The following ANKRD52 variants were observed in gnomAD, a reference collection of about 807,000 sequenced individuals.
The protein encoded by ANKRD52 is serine/threonine-protein phosphatase 6 regulatory ankyrin repeat subunit C.
A neutral mutation model predicts 116.0 loss-of-function variants in ANKRD52; 7 were observed. That is an observed-to-expected ratio of 0.06 (90% CI 0.03 to 0.11). The LOEUF is 0.11. ANKRD52 is among the 10% of genes least tolerant of loss of function. ANKRD52 has a pLI of 1.00. For synonymous variants in ANKRD52, 528 were observed against 578.1 expected (o/e 0.91, Z 1.24); for missense variants, 839 against 1,408.6 (o/e 0.60, Z 6.47).
rs759817277 is a variant in ANKRD52, at chr12:56,252,730, C to T, written c.1301+50G>A. On this transcript the variant is annotated intron_variant, in intron 12 of 27. Transcript: ENST00000267116. The surrounding 1 kb of genome is among the most constrained non-coding windows in gnomAD (Gnocchi z 4.7). Reference sequence around the variant, plus strand: ...GGCAGGCAAGAATGAGGGGCCCAGACCTTTGCCCAGCTCCCTGCTCAAAGC... The same window carrying T: ...GGCAGGCAAGAATGAGGGGCCCAGATCTTTGCCCAGCTCCCTGCTCAAAGC... 1.3e-6 allele frequency: 2 copies of T among 1,589,668 alleles called. No homozygotes were observed. Among genetic ancestry groups the T allele is most frequent in the African/African-American group, 2.7e-5 (2 of 74,356 alleles).
Position 56,248,670 on chromosome 12 carries a change from C to T in ANKRD52, c.1704+89G>A. 2.0e-6 allele frequency: 3 copies of T among 1,486,082 alleles called. No individual in the cohort carries two copies. The South Asian group carries it at 3.6e-5, about 18-fold the overall frequency. The allele number at this position is 1,486,082 out of a possible 1,614,324, so 92.1% of individuals were successfully genotyped here. On this transcript the variant is annotated intron_variant, in intron 16 of 27. Coordinates refer to ENST00000267116, the MANE Select transcript of ANKRD52 (RefSeq NM_173595.4). The surrounding 1 kb of genome is among the most constrained non-coding windows in gnomAD (Gnocchi z 5.1). ...CCACTAAGCCTCTGGATCCAAAGAC[C>T]ACATTTGATTGAACCCTTAGTTTTG... is the stretch of plus-strand genomic sequence containing the variant.
In ANKRD52 at chr12:56,248,040, G is replaced by A; in HGVS notation, c.1961C>T (p.Thr654Ile). ...GCACTAACCAGCAGCGTGCAGGGGT[G>A]TCCACTTGCGCTTGCGCTCCTTGAT... Reference protein sequence around the residue: ...ALIKERKRKWTPLHAAAASGH... With the variant: ...ALIKERKRKWIPLHAAAASGH... The change falls in exon 18 of 28, where the codon ACA becomes ATA. Residue 654 changes from threonine (T) to isoleucine (I), a missense_variant. Thr to Ile is a moderately conservative substitution (Grantham distance 89, BLOSUM62 -1). This residue lies in a region of ANKRD52 where 552 missense variants were observed against 810.6 expected (regional missense o/e 0.68). Coordinates refer to ENST00000267116, the MANE Select transcript of ANKRD52 (RefSeq NM_173595.4). This position sits in a 1 kb window ranked among gnomAD's most constrained non-coding sequence, Gnocchi z 5.1. 1 of 1,605,468 alleles carries A rather than the reference G, an allele frequency of 6.2e-7. No individual in the cohort carries two copies.
At chr12:56,246,361 C>G (rs762672211) in intron 20 of ANKRD52, among the ~76,000 whole-genome samples, 27 of 152,108 alleles carry the variant, frequency 1.8e-4, no homozygotes, top group Non-Finnish European at 3.7e-4. Flanking sequence ...TATTAGGGAC[C>G]CACATCTCCC....
In ANKRD52 at chr12:56,253,925, C is replaced by T. The variant is rs1871819567; in HGVS notation, c.907-125G>A. 7.5e-7 allele frequency: 1 copy of T among 1,334,258 alleles called. No homozygotes were observed. Among genetic ancestry groups the T allele is most frequent in the Non-Finnish European group, 1.0e-6 (1 of 954,274 alleles). The allele number at this position is 1,334,258 out of a possible 1,614,324, so 82.7% of individuals were successfully genotyped here. A position where few individuals can be genotyped will look rare whatever the true frequency, so the allele number is the denominator to read the frequency against. ...AGGGTCATATGGCACCTTCTTAGCCCACTCTTTCCTGAGTCCCTGGCAAGG... is the reference window on the plus strand; with the variant it reads ...AGGGTCATATGGCACCTTCTTAGCCTACTCTTTCCTGAGTCCCTGGCAAGG... On this transcript the variant is annotated intron_variant, in intron 8 of 27. Coordinates refer to ENST00000267116, the MANE Select transcript of ANKRD52 (RefSeq NM_173595.4). The surrounding 1 kb of genome is among the most constrained non-coding windows in gnomAD (Gnocchi z 5.5).
intron 21 of ANKRD52, 34 bp downstream of exon 21, chr12:56,245,343 T>G: frequency 6.2e-7 from 1 of 1,601,706 alleles, no homozygotes; most frequent in Non-Finnish European, 8.5e-7. Context: ...CTCCAACACA[T>G]GCTCCTGTGC....
chr12:56,248,621 C>T lies in ANKRD52; in HGVS notation c.1705-55G>A. The T allele has an allele frequency of 3.9e-6, 6 of 1,523,770 alleles. No homozygotes were observed. The highest frequency in any genetic ancestry group is 4.5e-6 in the Non-Finnish European group (5 of 1,118,616). 94.4% of individuals were successfully genotyped at this position (1,523,770 alleles called of 1,614,324 possible). A position where few individuals can be genotyped will look rare whatever the true frequency, so the allele number is the denominator to read the frequency against. ...ACTCTGGAACTCCCAAGATAGTACCCCAGTCCCCGACTCGCAGTAATCCCC... is the reference window on the plus strand; with the variant it reads ...ACTCTGGAACTCCCAAGATAGTACCTCAGTCCCCGACTCGCAGTAATCCCC... On this transcript the variant is annotated intron_variant, in intron 16 of 27. Transcript: ENST00000267116. The surrounding 1 kb of genome is among the most constrained non-coding windows in gnomAD (Gnocchi z 5.1).
chr12:56,253,921 A>C lies in ANKRD52; in HGVS notation c.907-121T>G. On this transcript the variant is annotated intron_variant, in intron 8 of 27. Transcript: ENST00000267116. This position sits in a 1 kb window ranked among gnomAD's most constrained non-coding sequence, Gnocchi z 5.5. ...CAAAAGGGTCATATGGCACCTTCTT[A>C]GCCCACTCTTTCCTGAGTCCCTGGC... 1 of 1,338,478 alleles carries C rather than the reference A, an allele frequency of 7.5e-7. No individual in the cohort carries two copies. The highest frequency in any genetic ancestry group is 1.0e-6 in the Non-Finnish European group (1 of 956,030). 82.9% of individuals were successfully genotyped at this position (1,338,478 alleles called of 1,614,324 possible). A position where few individuals can be genotyped will look rare whatever the true frequency, so the allele number is the denominator to read the frequency against.
Position 56,247,534 on chromosome 12 carries a change from C to A in ANKRD52, c.2143G>T (p.Asp715Tyr). ...GTGCGGCCCCGGAGGTCAGCAGCATCAGCTGTGGATCCTTTCTCTAGCAGC... is the reference window on the plus strand; with the variant it reads ...GTGCGGCCCCGGAGGTCAGCAGCATAAGCTGTGGATCCTTTCTCTAGCAGC... The part of the protein sequence containing the change: ...HLLLEKGSTA[D>Y]AADLRGRTAL... The change falls in exon 20 of 28, where the codon GAT (aspartate) becomes TAT (tyrosine). Residue 715 changes from aspartate to tyrosine, a missense_variant. By Grantham distance (160) the Asp-to-Tyr change is radical (BLOSUM62 -3). Transcript: ENST00000267116. The A allele has an allele frequency of 6.3e-7, 1 of 1,595,034 alleles. No individual in the cohort carries two copies. The highest frequency in any genetic ancestry group is 2.3e-5 in the East Asian group (1 of 44,248).
chr12:56,254,923 G>A lies in ANKRD52; in HGVS notation c.492C>T (p.Ala164=), dbSNP rs1246774890. The A allele has an allele frequency of 6.2e-7, 1 of 1,613,438 alleles. No homozygotes were observed. The change falls in exon 6 of 28, where the codon GCC becomes GCT. Residue 164 remains alanine (A), a synonymous_variant. Transcript: ENST00000267116. This position sits in a 1 kb window ranked among gnomAD's most constrained non-coding sequence, Gnocchi z 4.6. ...CCTTTTTGTCACAGACATTCAGGCT[G>A]GCTCCCTTGTTGAGGAGCAGGTTCA... is the stretch of plus-strand genomic sequence containing the variant. ...ETVNLLLNKG[A]SLNVCDKKER...
At position 56,253,975 on chromosome 12, in the gene ANKRD52, GA is replaced by G; in HGVS notation, c.906+91del. 1 of 1,423,940 alleles carries G rather than the reference GA, an allele frequency of 7.0e-7. No homozygotes were observed. 88.2% of individuals were successfully genotyped at this position (1,423,940 alleles called of 1,614,324 possible). On this transcript the variant is annotated intron_variant, in intron 8 of 27. Transcript: ENST00000267116. This position sits in a 1 kb window ranked among gnomAD's most constrained non-coding sequence, Gnocchi z 5.5. ...GTCTGATTACCCTAGGAAGCAAGTGGATAATTCCCCAAGAGAGCTATCCAGA... is the reference window on the plus strand; with the variant it reads ...GTCTGATTACCCTAGGAAGCAAGTGGTAATTCCCCAAGAGAGCTATCCAGA...
rs764343000 is a variant in ANKRD52 at position 56,247,622 on chromosome 12, CAGG to C, written c.2067-15_2067-13del. 23 of 1,589,656 alleles carry C rather than the reference CAGG, an allele frequency of 1.4e-5. No individual in the cohort carries two copies. The East Asian group carries it at 4.8e-4, about 33-fold the overall frequency. On this transcript the variant is annotated splice_polypyrimidine_tract_variant and intron_variant, in intron 19 of 27. Transcript: ENST00000267116. ...GCATCAGTGGGGTCCTACAGAAGGGCAGGAGGAGGAGTGAGGATCCCGCAAGGA... is the reference window on the plus strand; with the variant it reads ...GCATCAGTGGGGTCCTACAGAAGGGCAGGAGGAGTGAGGATCCCGCAAGGA...
Position 56,250,291 on chromosome 12 carries a change from T to A in ANKRD52, c.1593-1421A>T, listed in dbSNP as rs373896815. Among the ~76,000 whole-genome samples the A allele has an allele frequency of 4.6e-5, 7 of 151,598 alleles. No individual in the cohort carries two copies. The East Asian group carries it at 1.4e-3, about 29-fold the overall frequency. On this transcript the variant is annotated intron_variant, in intron 15 of 27. Coordinates refer to ENST00000267116, the MANE Select transcript of ANKRD52 (RefSeq NM_173595.4). ...TGTGTTAGCCAGGCTGGTCTCATAC[T>A]CCTGGGCTCAAGCAATCCTCCCACC... is the stretch of plus-strand genomic sequence containing the variant.
In ANKRD52 at chr12:56,248,649, T is replaced by G. The variant is rs2135884070; in HGVS notation, c.1705-83A>C. On this transcript the variant is annotated intron_variant, in intron 16 of 27. Transcript: ENST00000267116. This position sits in a 1 kb window ranked among gnomAD's most constrained non-coding sequence, Gnocchi z 5.1. Reference sequence around the variant, plus strand: ...GTCCCCGACTCGCAGTAATCCCCACTAAGCCTCTGGATCCAAAGACCACAT... The same window carrying G: ...GTCCCCGACTCGCAGTAATCCCCACGAAGCCTCTGGATCCAAAGACCACAT... The G allele has an allele frequency of 6.7e-7, 1 of 1,491,598 alleles. No homozygotes were observed. The highest frequency in any genetic ancestry group is 1.2e-5 in the South Asian group (1 of 83,166). 92.4% of individuals were successfully genotyped at this position (1,491,598 alleles called of 1,614,324 possible).
In ANKRD52 at chr12:56,257,294, A is replaced by G; in HGVS notation, c.179T>C (p.Leu60Pro). Reference sequence around the variant, plus strand: ...CTCCCCACTTTCACCTGACATCAGTAGCAACTGGAGGATGGGGACATCGCC... The same window carrying G: ...CTCCCCACTTTCACCTGACATCAGTGGCAACTGGAGGATGGGGACATCGCC... Reference protein sequence around the residue: ...YVGDVPILQLLLMSGANVNAK... With the variant: ...YVGDVPILQLPLMSGANVNAK... The change falls in exon 3 of 28, where the codon CTA (leucine) becomes CCA (proline). Residue 60 changes from leucine (L) to proline (P), a missense_variant. Coordinates refer to ENST00000267116, the MANE Select transcript of ANKRD52 (RefSeq NM_173595.4). The G allele has an allele frequency of 6.3e-7, 1 of 1,596,290 alleles. No homozygotes were observed. The highest frequency in any genetic ancestry group is 1.1e-5 in the South Asian group (1 of 87,892).
chr12:56,256,737 T>C (rs1396133199), intron 4 of ANKRD52, among the ~76,000 whole-genome samples: 1 of 152,166 alleles, frequency 6.6e-6, no homozygotes, highest in African/African-American at 2.4e-5. Context: ...AGACTCAAGG[T>C]GGCCCCCCAG....
At position 56,257,030 on chromosome 12, in the gene ANKRD52, A is replaced by G; in HGVS notation, c.246T>C (p.Ala82=). 6.2e-7 allele frequency: 1 copy of G among 1,613,584 alleles called. No individual in the cohort carries two copies. Among genetic ancestry groups the G allele is most frequent in the Non-Finnish European group, 8.5e-7 (1 of 1,179,718 alleles). The change falls in exon 4 of 28, where the codon GCT becomes GCC. Residue 82 remains alanine (A), a synonymous_variant. Coordinates refer to ENST00000267116, the MANE Select transcript of ANKRD52 (RefSeq NM_173595.4). ...GGGTGCATACCTCGTTTCGGGAGGC[A>G]GCAGCACGATGAAGAGGGGTCAGCC... ...TLWLTPLHRA[A]ASRNEKVLGL...
At position 56,242,866 on chromosome 12, in the gene ANKRD52, G is replaced by A. The variant is rs757092807; in HGVS notation, c.*276C>T. 168 of 439,166 alleles carry A rather than the reference G, an allele frequency of 3.8e-4. 1 individual carries two copies. The highest frequency in any genetic ancestry group is 5.9e-4 in the Middle Eastern group (1 of 1,696). 27.2% of individuals were successfully genotyped at this position (439,166 alleles called of 1,614,324 possible). A position where few individuals can be genotyped will look rare whatever the true frequency, so the allele number is the denominator to read the frequency against. The stretch of plus-strand genomic sequence containing the variant: ...GAACCAAGAGATGGAGTCAAAGAGT[G>A]GGGGAGCCAGGCATTTAGCAATCAT... On this transcript the variant is annotated 3_prime_UTR_variant, in exon 28 of 28. Coordinates refer to ENST00000267116, the MANE Select transcript of ANKRD52 (RefSeq NM_173595.4). This position sits in a 1 kb window ranked among gnomAD's most constrained non-coding sequence, Gnocchi z 4.3.
chr12:56,257,908 G>A lies in ANKRD52; in HGVS notation c.31C>T (p.Pro11Ser). The stretch of plus-strand genomic sequence containing the variant: ...CGGCTAAAGATGGCCTGGACCAGGG[G>A]CGGCTGCAGAGAGAACCGGCATTCT... MGILSITDQP[P>S]LVQAIFSRDV... Residue 11 changes from proline (P) to serine (S), a missense_variant, in exon 2 of 28, where the codon CCC becomes TCC. Pro to Ser is a moderately conservative substitution (Grantham distance 74). Coordinates refer to ENST00000267116, the MANE Select transcript of ANKRD52 (RefSeq NM_173595.4). The A allele has an allele frequency of 6.2e-7, 1 of 1,613,526 alleles. No homozygotes were observed. The highest frequency in any genetic ancestry group is 8.5e-7 in the Non-Finnish European group (1 of 1,179,746).
Position 56,245,572 on chromosome 12 carries a change from G to A in ANKRD52, c.2209C>T (p.Leu737=), listed in dbSNP as rs1372786188. The change falls in exon 21 of 28, where the codon CTG becomes TTG. Residue 737 remains leucine, a synonymous_variant. Coordinates refer to ENST00000267116, the MANE Select transcript of ANKRD52 (RefSeq NM_173595.4). ...RGAVTGCEDC[L]AALLDHDAFV... is the part of the protein sequence containing the mutation. Reference sequence around the variant, plus strand: ...GCGTCGTGGTCCAGCAGGGCAGCCAGGCAGTCCTCACAGCCAGTCACTGCC... The same window carrying A: ...GCGTCGTGGTCCAGCAGGGCAGCCAAGCAGTCCTCACAGCCAGTCACTGCC... 6.2e-7 allele frequency: 1 copy of A among 1,606,252 alleles called. No homozygotes were observed.
Sources: allele counts gnomAD v4.1 joint callset (sites outside exome capture counted in the v4.1 genomes callset), GRCh38; gene constraint gnomAD v4.1.1; regional missense constraint gnomAD v4.1.1; non-coding constraint Gnocchi (gnomAD v3.1); transcripts MANE v1.5; gene names NCBI Gene and HGNC (gene_info 2026-07-23, HGNC 2026-07-21).